The following KSR1 variants were observed in gnomAD, a reference collection of about 807,000 sequenced individuals.
The protein encoded by KSR1 is kinase suppressor of ras 1.
A neutral mutation model predicts 92.9 loss-of-function variants in KSR1; 35 were observed. The observed-to-expected ratio is 0.38, with a 90% CI of 0.29 to 0.50. KSR1 has a LOEUF of 0.50. Among genes scored for constraint, KSR1 ranks in the 20% least tolerant of loss-of-function variants. KSR1 has a pLI of 0.94. For missense variants in KSR1, 972 were observed against 1,158.5 expected (o/e 0.84, Z 2.34); for synonymous variants, 467 against 472.6 (o/e 0.99, Z 0.15).
intron 1 of KSR1, among the ~76,000 whole-genome samples, chr17:27,457,768 G>A (rs1306446804): frequency 1.3e-5 from 2 of 152,282 alleles, no homozygotes; most frequent in Non-Finnish European, 2.9e-5. Context: ...CAGGGACGGG[G>A]CGGTGAAACG....
At chr17:27,516,855 G>A (rs933419295) in intron 1 of KSR1, among the ~76,000 whole-genome samples, 9 of 152,234 alleles carry the variant, frequency 5.9e-5, no homozygotes, top group South Asian at 2.1e-4. Flanking sequence ...ACATTTTCGT[G>A]AGACATAATG....
intron 10 of KSR1, among the ~76,000 whole-genome samples, chr17:27,597,948 G>T (rs558883476): frequency 6.6e-6 from 1 of 152,126 alleles, no homozygotes; most frequent in Non-Finnish European, 1.5e-5. Flanking sequence ...TTGGAATTAG[G>T]TTGTTCCCAT....
intron 1 of KSR1, among the ~76,000 whole-genome samples, chr17:27,499,306 C>G (rs1326581828): frequency 6.6e-6 from 1 of 152,106 alleles, no homozygotes; most frequent in Non-Finnish European, 1.5e-5. Flanking sequence ...GAAGTCCACC[C>G]CTAGGACTTA....
Position 27,595,370 on chromosome 17 carries a change from C to T in KSR1, c.1300-1898C>T, listed in dbSNP as rs140812701. ...ATGTGGAACAAACATGTATTAGTCA[C>T]CTGCTATGTACCACACACTCCCACC... On this transcript the variant is annotated intron_variant, in intron 9 of 20. Coordinates refer to ENST00000644974, the MANE Select transcript of KSR1 (RefSeq NM_001394583.1). Among the ~76,000 whole-genome samples the T allele has an allele frequency of 1.2e-3, 185 of 152,346 alleles. 1 individual carries two copies. The highest frequency in any genetic ancestry group is 4.2e-3 in the African/African-American group (175 of 41,586).
At chr17:27,512,754 C>T (rs1041161475) in intron 1 of KSR1, among the ~76,000 whole-genome samples, 32 of 152,158 alleles carry the variant, frequency 2.1e-4, no homozygotes, top group Non-Finnish European at 3.8e-4. Flanking sequence ...TGAGAACCTA[C>T]GGTAGGCTGG....
chr17:27,548,498 T>TC (rs1226124804), intron 1 of KSR1, among the ~76,000 whole-genome samples: 1 of 152,122 alleles, frequency 6.6e-6, no homozygotes, highest in Non-Finnish European at 1.5e-5. Flanking sequence ...GGTGCAGTGG[T>TC]CCTAAGTGTT....
chr17:27,475,976 T>G (rs1267298537), intron 1 of KSR1, among the ~76,000 whole-genome samples: 1 of 152,178 alleles, frequency 6.6e-6, no homozygotes, highest in Non-Finnish European at 1.5e-5. Flanking sequence ...AAACTAGAGG[T>G]GAAATTGAAA....
At chr17:27,588,414 T>C (rs999301907) in intron 5 of KSR1, 61 bp from the exon 6 acceptor site, 2 of 1,478,412 alleles carry the variant, frequency 1.4e-6, no homozygotes. Context: ...TAGGAAGTCA[T>C]GGGCACGAGC....
intron 1 of KSR1, among the ~76,000 whole-genome samples, chr17:27,468,237 TA>T (rs200753817): frequency 7.9e-5 from 12 of 151,690 alleles, no homozygotes; most frequent in South Asian, 2.1e-4. Context: ...TGTGGCCAAT[TA>T]TTTTTTTTTT....
chr17:27,546,185 TC>T (rs1275725257), intron 1 of KSR1, among the ~76,000 whole-genome samples: 2 of 152,212 alleles, frequency 1.3e-5, no homozygotes, highest in Non-Finnish European at 2.9e-5. Flanking sequence ...CACATTTTCT[TC>T]CTCTGGCACT....
chr17:27,596,515 A>G (rs2073350105), intron 9 of KSR1, among the ~76,000 whole-genome samples: 1 of 152,234 alleles, frequency 6.6e-6, no homozygotes, highest in South Asian at 2.1e-4. Context: ...TTGGGACAAC[A>G]TGAGTGAACC....
At chr17:27,470,447 G>A (rs974068463) in intron 1 of KSR1, among the ~76,000 whole-genome samples, 1 of 151,942 alleles carries the variant, frequency 6.6e-6, no homozygotes, top group African/African-American at 2.4e-5. Context: ...TCACCATGTT[G>A]GTCAGGCTGA....
intron 1 of KSR1, among the ~76,000 whole-genome samples, chr17:27,538,903 C>A (rs915754040): frequency 1.3e-4 from 20 of 152,180 alleles, no homozygotes; most frequent in South Asian, 4.1e-4. Context: ...GTTGCTAAGC[C>A]AACAGTCACA....
At chr17:27,473,073 C>T (rs933634556) in intron 1 of KSR1, among the ~76,000 whole-genome samples, 10 of 152,150 alleles carry the variant, frequency 6.6e-5, no homozygotes, top group Admixed American at 5.2e-4. Context: ...CCAGCTAGTA[C>T]CCAGGTTTAA....
At chr17:27,548,338 C>T (rs1404145477) in intron 1 of KSR1, among the ~76,000 whole-genome samples, 1 of 152,004 alleles carries the variant, frequency 6.6e-6, no homozygotes, top group Non-Finnish European at 1.5e-5. Flanking sequence ...TGGCCCCAAA[C>T]TGGTTATAAG....
chr17:27,592,587 A>G lies in KSR1; in HGVS notation c.1260A>G (p.Glu420=), dbSNP rs767997656. ...DINNPVDRAA[E]PHFGTLPKAL... The stretch of plus-strand genomic sequence containing the variant: ...ACAACCCGGTGGACAGAGCAGCCGA[A>G]CCCCATTTTGGAACCCTCCCCAAAG... The change falls in exon 9 of 21, where the codon GAA becomes GAG. Residue 420 remains glutamate, a synonymous_variant. Coordinates refer to ENST00000644974, the MANE Select transcript of KSR1 (RefSeq NM_001394583.1). 2.5e-6 allele frequency: 4 copies of G among 1,613,858 alleles called. No homozygotes were observed.
chr17:27,531,656 G>A (rs1352615230), intron 1 of KSR1, among the ~76,000 whole-genome samples: 1 of 152,198 alleles, frequency 6.6e-6, no homozygotes, highest in Non-Finnish European at 1.5e-5. Flanking sequence ...ATGCTGTTGA[G>A]CTCCAGAGAG....
intron 1 of KSR1, among the ~76,000 whole-genome samples, chr17:27,480,518 C>T (rs1479107584): frequency 6.6e-6 from 1 of 152,130 alleles, no homozygotes; most frequent in African/African-American, 2.4e-5. Context: ...CTGCCTTAGC[C>T]TCCTGAGCAG....
chr17:27,609,409 G>T, intron 16 of KSR1, 80 bp downstream of exon 16: 1 of 1,563,352 alleles, frequency 6.4e-7, no homozygotes. Flanking sequence ...CACTTTCACT[G>T]TTTGTTGCTG....
Sources: gnomAD v4.1 joint callset for allele counts (sites outside exome capture counted in the v4.1 genomes callset) on GRCh38, gnomAD v4.1.1 for gene constraint, MANE v1.5 for transcripts, NCBI Gene and HGNC (gene_info 2026-07-23, HGNC 2026-07-21) for gene names.